Variants in AK7 observed in about 807,000 individuals in gnomAD.
AK7 encodes adenylate kinase 7.
In AK7, 78 loss-of-function variants were observed where a neutral mutation model predicts 96.6. That is an observed-to-expected ratio of 0.81 (90% CI 0.67 to 0.97). The LOEUF is 0.97. Ranked by LOEUF, AK7 falls within the 50% of genes least tolerant of loss-of-function variation. The pLI is 0.00. For missense variants in AK7, 855 were observed against 887.9 expected, an observed-to-expected ratio of 0.96 and a Z score of 0.47; for synonymous variants, 302 against 317.2, an observed-to-expected ratio of 0.95 and a Z score of 0.51.
chr14:96,471,239 G>A (rs1894865380), intron 12 of AK7, among the ~76,000 whole-genome samples: 1 of 151,384 alleles, frequency 6.6e-6, no homozygotes, highest in Non-Finnish European at 1.5e-5. Flanking sequence ...GGCTGAGGTG[G>A]GAAGATTGCA....
At chr14:96,465,393 G>A (rs567106842) in intron 12 of AK7, among the ~76,000 whole-genome samples, 2 of 152,024 alleles carry the variant, frequency 1.3e-5, no homozygotes, top group South Asian at 4.2e-4. Context: ...AACCCGGGAG[G>A]CGGAGCTTGC....
chr14:96,398,371 C>T (rs1890207182), intron 2 of AK7, 108 bp downstream of exon 2: 2 of 1,148,280 alleles, frequency 1.7e-6, no homozygotes, highest in Non-Finnish European at 1.3e-6. Context: ...CTCTCTTCCA[C>T]AGACATGGCC....
chr14:96,459,065 C>T (rs1421775239), intron 12 of AK7, among the ~76,000 whole-genome samples: 3 of 152,102 alleles, frequency 2.0e-5, no homozygotes, highest in African/African-American at 4.8e-5. Flanking sequence ...CGGCTGTGCC[C>T]GGTGGCTCAC....
chr14:96,438,785 G>A (rs2140085562), intron 6 of AK7, among the ~76,000 whole-genome samples: 1 of 152,300 alleles, frequency 6.6e-6, no homozygotes, highest in Non-Finnish European at 1.5e-5. Flanking sequence ...TTGGGGCATG[G>A]GCAGGAGCAG....
rs573350230 is a variant in AK7, at chr14:96,435,627, A to C, written c.610-2208A>C. ...GAACTCACCTAGAGTTGCAGTCCTT[A>C]TGGCCTGGATTGTCTTTCAAGTTTG... On this transcript the variant is annotated intron_variant, in intron 5 of 17. Coordinates refer to ENST00000267584, the MANE Select transcript of AK7 (RefSeq NM_152327.5). 8.6e-4 allele frequency among the ~76,000 whole-genome samples: 130 copies of C among 151,916 alleles called. 1 individual carries two copies. The highest frequency in any genetic ancestry group is 3.0e-3 in the African/African-American group (125 of 41,436).
intron 9 of AK7, among the ~76,000 whole-genome samples, chr14:96,450,827 T>C (rs1893557546): frequency 7.0e-6 from 1 of 141,902 alleles, no homozygotes; most frequent in Non-Finnish European, 1.5e-5. Context: ...CAGGCTGGAG[T>C]GCAGTGGCGC....
At chr14:96,434,962 C>T (rs1046610305) in intron 5 of AK7, among the ~76,000 whole-genome samples, 1 of 152,140 alleles carries the variant, frequency 6.6e-6, no homozygotes, top group African/African-American at 2.4e-5. Context: ...GCTGCCTGGC[C>T]TGGGACTCAC....
At chr14:96,481,132 C>A (rs1350756204) in intron 15 of AK7, among the ~76,000 whole-genome samples, 2 of 152,116 alleles carry the variant, frequency 1.3e-5, no homozygotes, top group African/African-American at 4.8e-5. Flanking sequence ...TGTGTCCAAT[C>A]CCACATTCCC....
intron 14 of AK7, among the ~76,000 whole-genome samples, chr14:96,474,588 G>A (rs1283499394): frequency 1.3e-5 from 2 of 151,550 alleles, no homozygotes; most frequent in Non-Finnish European, 2.9e-5. Context: ...TTACACCACT[G>A]CACTCCAGCC....
intron 8 of AK7, among the ~76,000 whole-genome samples, chr14:96,448,628 T>C (rs61983060): frequency 1.4e-5 from 1 of 71,962 alleles, no homozygotes; most frequent in Non-Finnish European, 2.5e-5. Flanking sequence ...AGACCCTATC[T>C]CTAAAAAAAA....
chr14:96,408,184 G>A (rs1183476762), intron 3 of AK7, among the ~76,000 whole-genome samples: 1 of 152,186 alleles, frequency 6.6e-6, no homozygotes, highest in Non-Finnish European at 1.5e-5. Flanking sequence ...TCACTGAACA[G>A]GGTTGCCTTA....
intron 5 of AK7, chr14:96,424,333 A>G: frequency 2.8e-6 from 1 of 354,212 alleles, no homozygotes; most frequent in Non-Finnish European, 5.2e-6. Context: ...CTGTGTTCTC[A>G]GTATTTTACT....
At chr14:96,443,791 T>G (rs1044433575) in intron 7 of AK7, among the ~76,000 whole-genome samples, 5 of 151,144 alleles carry the variant, frequency 3.3e-5, no homozygotes, top group Admixed American at 3.3e-4. Flanking sequence ...TTTTTTTTTT[T>G]GAGATGGAGT....
chr14:96,404,266 T>A (rs1353230030), intron 2 of AK7, among the ~76,000 whole-genome samples: 2 of 151,700 alleles, frequency 1.3e-5, no homozygotes, highest in East Asian at 3.9e-4. Flanking sequence ...ATTTTTAAAA[T>A]ATTCCCGGCT....
intron 1 of AK7, among the ~76,000 whole-genome samples, chr14:96,395,006 C>T (rs11852212): frequency 0.2 from 30,921 of 151,964 alleles, 3,485 homozygotes; most frequent in East Asian, 0.31. Context: ...AGAAGACAGT[C>T]GAAACTCTGC....
chr14:96,467,683 TA>T (rs567721043), intron 12 of AK7, among the ~76,000 whole-genome samples: 25 of 152,258 alleles, frequency 1.6e-4, no homozygotes, highest in African/African-American at 5.3e-4. Flanking sequence ...TTACGGACAT[TA>T]CCTGATTTAG....
chr14:96,409,587 AG>A (rs1254975203), intron 4 of AK7, among the ~76,000 whole-genome samples: 1 of 152,246 alleles, frequency 6.6e-6, no homozygotes, highest in Non-Finnish European at 1.5e-5. Flanking sequence ...AAATAAAGGA[AG>A]AAAAAGAAAA....
At chr14:96,431,323 G>A (rs1290070316) in intron 5 of AK7, among the ~76,000 whole-genome samples, 1 of 151,926 alleles carries the variant, frequency 6.6e-6, no homozygotes, top group Non-Finnish European at 1.5e-5. Context: ...GTTTGCTCTT[G>A]CTTCTCTAGT....
chr14:96,421,753 G>A (rs1019589463), intron 5 of AK7, among the ~76,000 whole-genome samples: 4 of 151,832 alleles, frequency 2.6e-5, no homozygotes, highest in African/African-American at 7.3e-5. Flanking sequence ...CTACAGGCAC[G>A]TGCCACCATG....
Sources: allele counts gnomAD v4.1 joint callset (sites outside exome capture counted in the v4.1 genomes callset), GRCh38; gene constraint gnomAD v4.1.1; transcripts MANE v1.5; gene names NCBI Gene and HGNC (gene_info 2026-07-23, HGNC 2026-07-21).